Variants in SORCS2 observed in about 807,000 individuals in gnomAD.
SORCS2 encodes VPS10 domain-containing receptor SorCS2.
Under a neutral mutation model 141.6 loss-of-function variants are expected in SORCS2, and 100 were observed. The observed-to-expected ratio is 0.71, with a 90% CI of 0.60 to 0.83. SORCS2 has a LOEUF of 0.83. SORCS2 is among the 40% of genes least tolerant of loss of function. The pLI, the probability that SORCS2 is intolerant of heterozygous loss-of-function variation, is 0.00. For missense variants in SORCS2, 1,646 were observed against 1,560.2 expected (o/e 1.05, Z -0.93); for synonymous variants, 789 against 676.9 (o/e 1.17, Z -2.57).
At chr4:7,633,576 A>AGAATGAATGAATGAAT (rs57627813) in intron 3 of SORCS2, among the ~76,000 whole-genome samples, 5 of 152,088 alleles carry the variant, frequency 3.3e-5, no homozygotes, top group Non-Finnish European at 5.9e-5. Context: ...GCAATGTGAA[A>AGAATGAATGAATGAAT]GAATGAATGA....
chr4:7,604,342 G>T (rs1388408226), intron 3 of SORCS2, among the ~76,000 whole-genome samples: 2 of 152,208 alleles, frequency 1.3e-5, no homozygotes, highest in Non-Finnish European at 2.9e-5. Context: ...TTTTGAGACG[G>T]AGTCTCGCTC....
chr4:7,275,640 C>T (rs1355259309), intron 1 of SORCS2, among the ~76,000 whole-genome samples: 1 of 152,124 alleles, frequency 6.6e-6, no homozygotes, highest in African/African-American at 2.4e-5. Context: ...GTACCTGGTT[C>T]TAGAATTTCT....
Position 7,475,416 on chromosome 4 carries a change from C to T in SORCS2, c.549-56114C>T, listed in dbSNP as rs142514614. Among the ~76,000 whole-genome samples, 401 of 152,272 alleles carry T rather than the reference C, an allele frequency of 2.6e-3. 4 individuals are homozygous for T. Among genetic ancestry groups the T allele is most frequent in the African/African-American group, 9.2e-3 (383 of 41,570 alleles). ...AGGCCCGGATGCCTCTGAGGTCCAT[C>T]CTGCATGTGGTAGGCTCGGCCGGCC... On this transcript the variant is annotated intron_variant, in intron 2 of 26. Transcript: ENST00000507866.
At chr4:7,345,822 G>A (rs1465247802) in intron 1 of SORCS2, among the ~76,000 whole-genome samples, 3 of 152,184 alleles carry the variant, frequency 2.0e-5, no homozygotes, top group Non-Finnish European at 4.4e-5. Flanking sequence ...CCATGCTCCA[G>A]TTTCTGGAGT....
chr4:7,393,220 G>T (rs1186834504), intron 1 of SORCS2, among the ~76,000 whole-genome samples: 1 of 152,092 alleles, frequency 6.6e-6, no homozygotes, highest in African/African-American at 2.4e-5. Flanking sequence ...AGATCCCTGT[G>T]GGCTGCGGGC....
chr4:7,439,749 C>T (rs915445818), intron 2 of SORCS2, among the ~76,000 whole-genome samples: 1 of 152,198 alleles, frequency 6.6e-6, no homozygotes, highest in Admixed American at 6.5e-5. Context: ...CCTTGCTGGG[C>T]AGTGCTTCAT....
intron 16 of SORCS2, among the ~76,000 whole-genome samples, chr4:7,714,751 C>T (rs1726076611): frequency 6.6e-6 from 1 of 152,192 alleles, no homozygotes; most frequent in Admixed American, 6.5e-5. Context: ...CAAAAGCTGC[C>T]TGTGACTGCC....
At chr4:7,436,086 G>A (rs1339502883) in intron 2 of SORCS2, among the ~76,000 whole-genome samples, 4 of 152,354 alleles carry the variant, frequency 2.6e-5, no homozygotes, top group African/African-American at 9.6e-5. Context: ...AAGAGAAGAC[G>A]GAAAATAGGA....
At chr4:7,387,519 A>G (rs937032696) in intron 1 of SORCS2, among the ~76,000 whole-genome samples, 10 of 150,422 alleles carry the variant, frequency 6.6e-5, no homozygotes, top group African/African-American at 2.0e-4. Context: ...GTACACAGAG[A>G]TACATATGCA....
chr4:7,685,041 C>G (rs1327435092), intron 10 of SORCS2, among the ~76,000 whole-genome samples: 1 of 152,202 alleles, frequency 6.6e-6, no homozygotes, highest in Non-Finnish European at 1.5e-5. Flanking sequence ...GCTGATAACA[C>G]CTGTCGACCT....
chr4:7,255,776 G>C (rs1713815041), intron 1 of SORCS2, among the ~76,000 whole-genome samples: 1 of 152,090 alleles, frequency 6.6e-6, no homozygotes. Flanking sequence ...GGCATGCCCT[G>C]GGCAGAGCGG....
intron 2 of SORCS2, among the ~76,000 whole-genome samples, chr4:7,499,926 G>A (rs1731858482): frequency 6.6e-6 from 1 of 152,112 alleles, no homozygotes; most frequent in Admixed American, 6.5e-5. Context: ...CAGGTCCCAG[G>A]GGAGGCAGGC....
intron 1 of SORCS2, among the ~76,000 whole-genome samples, chr4:7,319,714 TA>T (rs1330480580): frequency 6.6e-6 from 1 of 152,014 alleles, no homozygotes; most frequent in Non-Finnish European, 1.5e-5. Context: ...ACCCCACCTC[TA>T]AAAAAACAAA....
chr4:7,216,353 T>A (rs1374996239), intron 1 of SORCS2, among the ~76,000 whole-genome samples: 2 of 152,116 alleles, frequency 1.3e-5, no homozygotes, highest in Admixed American at 6.5e-5. Flanking sequence ...GACGTAGGGG[T>A]CCATGGCCAC....
At chr4:7,467,839 G>T (rs1314212303) in intron 2 of SORCS2, among the ~76,000 whole-genome samples, 1 of 152,210 alleles carries the variant, frequency 6.6e-6, no homozygotes, top group African/African-American at 2.4e-5. Context: ...AGCTTTCCTG[G>T]GTGCTTTTCT....
At chr4:7,345,040 G>T (rs1577425497) in intron 1 of SORCS2, among the ~76,000 whole-genome samples, 1 of 152,136 alleles carries the variant, frequency 6.6e-6, no homozygotes, top group East Asian at 1.9e-4. Flanking sequence ...GGCTGGAAGG[G>T]TAGGCTGTTT....
At chr4:7,645,137 CGCTTTTTAGGCATCTATT>C (rs1002096240) in intron 4 of SORCS2, among the ~76,000 whole-genome samples, 1 of 152,208 alleles carries the variant, frequency 6.6e-6, no homozygotes, top group African/African-American at 2.4e-5. Context: ...GGTGACGACT[CGCTTTTTAGGCATCTATT>C]GACTGTGGGT....
chr4:7,689,257 C>G (rs1560485088), intron 10 of SORCS2, among the ~76,000 whole-genome samples: 1 of 152,136 alleles, frequency 6.6e-6, no homozygotes, highest in Non-Finnish European at 1.5e-5. Flanking sequence ...CCACTTCCCC[C>G]TCCCAGGCTG....
intron 2 of SORCS2, among the ~76,000 whole-genome samples, chr4:7,526,278 C>T (rs1733691740): frequency 6.6e-6 from 1 of 152,240 alleles, no homozygotes; most frequent in Non-Finnish European, 1.5e-5. Flanking sequence ...ACCGGCGTGT[C>T]CCTTAGGAAT....
Sources: allele counts gnomAD v4.1 joint callset (sites outside exome capture counted in the v4.1 genomes callset), GRCh38; gene constraint gnomAD v4.1.1; transcripts MANE v1.5; gene names NCBI Gene and HGNC (gene_info 2026-07-23, HGNC 2026-07-21).